Variants in MAGI2 observed in about 807,000 individuals in gnomAD.
MAGI2 encodes membrane associated guanylate kinase, WW and PDZ domain containing 2.
A neutral mutation model predicts 133.3 loss-of-function variants in MAGI2; 35 were observed. The observed-to-expected ratio is 0.26, with a 90% CI of 0.20 to 0.35. The LOEUF (loss-of-function observed/expected upper bound fraction) is 0.35, where lower values mean the gene tolerates loss of function less well. Ranked by LOEUF, MAGI2 falls within the 10% of genes least tolerant of loss-of-function variation. The probability of loss-of-function intolerance (pLI) is 1.00; values close to 1 mark genes in which losing one functional copy is unlikely to be tolerated. For missense variants in MAGI2, 1,636 were observed against 1,863.4 expected (o/e 0.88, Z 2.25); for synonymous variants, 729 against 710.6 (o/e 1.03, Z -0.41).
chr7:79,444,917 T>C lies in MAGI2; in HGVS notation c.301+8103A>G, dbSNP rs1258710850. On this transcript the variant is annotated intron_variant, in intron 1 of 21. Transcript: ENST00000354212. ...TCACGCTATCTGACTTCAAACTATATTACAAGGCTACAGTAACCAAAACAG... is the reference window on the plus strand; with the variant it reads ...TCACGCTATCTGACTTCAAACTATACTACAAGGCTACAGTAACCAAAACAG... Among the ~76,000 whole-genome samples, 3 of 152,054 alleles carry C rather than the reference T, an allele frequency of 2.0e-5. No homozygotes were observed. The South Asian group carries it at 6.2e-4, about 32-fold the overall frequency.
At chr7:78,937,752 G>C (rs1800627861) in intron 2 of MAGI2, among the ~76,000 whole-genome samples, 1 of 152,118 alleles carries the variant, frequency 6.6e-6, no homozygotes, top group Non-Finnish European at 1.5e-5. Flanking sequence ...ATTAGTCCCA[G>C]CTCTGGTGCT....
Position 79,374,829 on chromosome 7 carries a change from A to G in MAGI2, c.301+78191T>C, listed in dbSNP as rs139631209. ...CCTACATAAAATTGTGGCATTAGGA[A>G]AGTTTTCCCTTAATCTTTTGAAGCT... On this transcript the variant is annotated intron_variant, in intron 1 of 21. Coordinates refer to ENST00000354212, the MANE Select transcript of MAGI2 (RefSeq NM_012301.4). 2.3e-3 allele frequency among the ~76,000 whole-genome samples: 356 copies of G among 152,006 alleles called. 2 individuals carry two copies. Among genetic ancestry groups the G allele is most frequent in the African/African-American group, 8.0e-3 (334 of 41,502 alleles).
In MAGI2 at chr7:78,139,750, A is replaced by T. The variant is rs142504496; in HGVS notation, c.2846-4544T>A. On this transcript the variant is annotated intron_variant, in intron 16 of 21. Transcript: ENST00000354212. ...GGCTTTAGACGTACTGACATTTAGG[A>T]AGGAGATAATGTGTCACTAGTCAGA... is the stretch of plus-strand genomic sequence containing the variant. Among the ~76,000 whole-genome samples, 43 of 152,350 alleles carry T rather than the reference A, an allele frequency of 2.8e-4. No individual in the cohort carries two copies. In the South Asian group the frequency reaches 6.0e-3, roughly 21 times the overall value.
rs575856105 is a variant in MAGI2, at chr7:78,458,591, T to C, written c.1045+31170A>G. Among the ~76,000 whole-genome samples, 6 of 151,986 alleles carry C rather than the reference T, an allele frequency of 3.9e-5. No individual in the cohort carries two copies. The South Asian group carries it at 1.2e-3, about 32-fold the overall frequency. ...GTTACATGAGTAACAAATAATAGTT[T>C]ACAAAGGTAAAGGTAAATCATCTTT... On this transcript the variant is annotated intron_variant, in intron 6 of 21. Transcript: ENST00000354212.
chr7:78,435,945 C>G (rs1160665659), intron 6 of MAGI2, among the ~76,000 whole-genome samples: 1 of 152,134 alleles, frequency 6.6e-6, no homozygotes, highest in Non-Finnish European at 1.5e-5. Flanking sequence ...TGCACATTCT[C>G]AAAGCAGAGG....
At chr7:78,928,900 G>A (rs113078971) in intron 2 of MAGI2, among the ~76,000 whole-genome samples, 2,197 of 152,100 alleles carry the variant, frequency 0.014, 49 homozygotes, top group African/African-American at 0.051. Context: ...CTGTATTGAG[G>A]TCATGGTTAC....
intron 9 of MAGI2, among the ~76,000 whole-genome samples, chr7:78,264,864 G>A (rs961995769): frequency 3.3e-5 from 5 of 152,138 alleles, no homozygotes; most frequent in Admixed American, 3.3e-4. Flanking sequence ...TTTCAGTGGT[G>A]CAGTTAAACA....
intron 2 of MAGI2, among the ~76,000 whole-genome samples, chr7:78,863,400 G>A (rs1450274768): frequency 2.0e-5 from 3 of 152,348 alleles, no homozygotes; most frequent in South Asian, 4.1e-4. Flanking sequence ...GAGCCAGTGT[G>A]TGCAGAGATC....
chr7:79,163,821 A>G (rs1028566363), intron 1 of MAGI2, among the ~76,000 whole-genome samples: 4 of 151,994 alleles, frequency 2.6e-5, no homozygotes, highest in African/African-American at 9.7e-5. Flanking sequence ...TTAGCATTTT[A>G]TATCTCTTGT....
At chr7:79,437,655 C>G (rs2129193189) in intron 1 of MAGI2, among the ~76,000 whole-genome samples, 1 of 152,090 alleles carries the variant, frequency 6.6e-6, no homozygotes, top group Non-Finnish European at 1.5e-5. Context: ...CAGCAATGGG[C>G]AAGAAGGTTG....
chr7:78,222,852 C>T (rs1788969817), intron 10 of MAGI2, among the ~76,000 whole-genome samples: 1 of 152,154 alleles, frequency 6.6e-6, no homozygotes, highest in Non-Finnish European at 1.5e-5. Flanking sequence ...ATGGATATTT[C>T]TCAAGCCAAA....
intron 2 of MAGI2, among the ~76,000 whole-genome samples, chr7:78,729,789 G>A (rs911378779): frequency 6.6e-6 from 1 of 152,140 alleles, no homozygotes; most frequent in Admixed American, 6.6e-5. Context: ...GGCTTTCTAC[G>A]TAGATCTTTT....
intron 1 of MAGI2, among the ~76,000 whole-genome samples, chr7:79,370,569 A>G (rs1318836502): frequency 6.6e-6 from 1 of 152,136 alleles, no homozygotes; most frequent in Non-Finnish European, 1.5e-5. Flanking sequence ...CATTTTGGGA[A>G]TATTGGAAAC....
chr7:78,683,639 G>A (rs932666960), intron 2 of MAGI2, among the ~76,000 whole-genome samples: 6 of 152,120 alleles, frequency 3.9e-5, no homozygotes, highest in Non-Finnish European at 8.8e-5. Flanking sequence ...CAAGTAAAGT[G>A]TTCCCTCATC....
chr7:78,174,396 G>C (rs2150668546), intron 14 of MAGI2, among the ~76,000 whole-genome samples: 1 of 152,296 alleles, frequency 6.6e-6, no homozygotes, highest in East Asian at 1.9e-4. Context: ...ATTCTAGATG[G>C]GTTTACCCTT....
intron 20 of MAGI2, among the ~76,000 whole-genome samples, chr7:78,096,522 G>A (rs994036541): frequency 4.6e-5 from 7 of 152,068 alleles, no homozygotes; most frequent in African/African-American, 1.4e-4. Flanking sequence ...TCTAATAATT[G>A]GGGTTATCTT....
chr7:79,223,042 T>G (rs6950549), intron 1 of MAGI2, among the ~76,000 whole-genome samples: 96,460 of 151,646 alleles, frequency 0.64, 31,528 homozygotes, highest in Non-Finnish European at 0.7. Flanking sequence ...CCGCTACCGC[T>G]CCTGGCTAAT....
chr7:79,446,014 T>C (rs1179268963), intron 1 of MAGI2, among the ~76,000 whole-genome samples: 1 of 152,148 alleles, frequency 6.6e-6, no homozygotes, highest in Non-Finnish European at 1.5e-5. Flanking sequence ...ATGTCCTTTG[T>C]AGGGACATGG....
intron 10 of MAGI2, among the ~76,000 whole-genome samples, chr7:78,219,421 G>A (rs183967485): frequency 1.3e-5 from 2 of 152,240 alleles, no homozygotes; most frequent in Admixed American, 1.3e-4. Flanking sequence ...TCATTTTGCT[G>A]AATCTGCTAC....
Sources: gnomAD v4.1 joint callset for allele counts (sites outside exome capture counted in the v4.1 genomes callset) on GRCh38, gnomAD v4.1.1 for gene constraint, MANE v1.5 for transcripts, NCBI Gene and HGNC (gene_info 2026-07-23, HGNC 2026-07-21) for gene names.